NXPE4: variants seen among roughly 807,000 people sequenced by gnomAD.
NXPE4 encodes the protein neurexophilin and PC-esterase domain family member 4.
NXPE4 carries 42 observed loss-of-function variants against 33.3 expected under a neutral mutation model. The observed-to-expected ratio is 1.26, with a 90% CI of 0.98 to 1.63. The LOEUF is 1.63. Among genes scored for constraint, NXPE4 ranks in the 40% most tolerant of loss-of-function variants. The pLI is 0.00. For missense variants in NXPE4, 709 were observed against 647.6 expected (o/e 1.09, Z -1.03); for synonymous variants, 253 against 234.9 (o/e 1.08, Z -0.71).
chr11:114,665,026 A>T, the NXPE4 span, among the ~76,000 whole-genome samples: 1 of 152,188 alleles, frequency 6.6e-6, no homozygotes, highest in Non-Finnish European at 1.5e-5. Context: ...GTTTAATGGA[A>T]CATAACCCCA....
intron 2 of NXPE4, chr11:114,584,105 G>A (rs1440914634): frequency 3.4e-6 from 1 of 292,368 alleles, no homozygotes; most frequent in Non-Finnish European, 6.7e-6. Context: ...TGCCAAGTGT[G>A]TGGAATCTGT....
the NXPE4 span, among the ~76,000 whole-genome samples, chr11:114,620,388 ACC>A: frequency 6.6e-6 from 1 of 152,066 alleles, no homozygotes; most frequent in Non-Finnish European, 1.5e-5. Context: ...CTCGTGGGTA[ACC>A]ACTGTTACCC....
At chr11:114,587,244 GA>G (rs898520261) in intron 2 of NXPE4, among the ~76,000 whole-genome samples, 17 of 152,128 alleles carry the variant, frequency 1.1e-4, no homozygotes, top group Admixed American at 5.2e-4. Flanking sequence ...CCATCAGCAG[GA>G]AAACAACCAT....
chr11:114,669,633 T>C, the NXPE4 span, among the ~76,000 whole-genome samples: 1 of 152,004 alleles, frequency 6.6e-6, no homozygotes, highest in Non-Finnish European at 1.5e-5. Context: ...AGTGTCACCC[T>C]GAGAAATGGG....
At chr11:114,600,856 T>G in the NXPE4 span, among the ~76,000 whole-genome samples, 3 of 152,170 alleles carry the variant, frequency 2.0e-5, no homozygotes, top group South Asian at 4.1e-4. Context: ...ATTTTGAAAC[T>G]TTTCTATAAT....
chr11:114,582,493 C>T lies in NXPE4; in HGVS notation c.625G>A (p.Val209Ile). 1.9e-6 allele frequency: 3 copies of T among 1,614,128 alleles called. No homozygotes were observed. The highest frequency in any genetic ancestry group is 2.5e-6 in the Non-Finnish European group (3 of 1,180,006). ...GAGTGGACTTGGGAAGTGCCATTGA[C>T]AAACTGGCCAGTGAAGATCACCCTG... ...YDRVIFTGQF[V>I]NGTSQVHSEC... is the part of the protein sequence containing the mutation. The change falls in exon 3 of 6, where the codon GTC becomes ATC. Residue 209 changes from valine to isoleucine, a missense_variant. Transcript: ENST00000375478.
chr11:114,615,027 C>T, the NXPE4 span, among the ~76,000 whole-genome samples: 7 of 150,896 alleles, frequency 4.6e-5, no homozygotes, highest in African/African-American at 2.4e-5. Context: ...CGTGGGTAAC[C>T]AGTGTTACCC....
the NXPE4 span, among the ~76,000 whole-genome samples, chr11:114,626,853 C>T: frequency 5.9e-5 from 9 of 151,894 alleles, no homozygotes; most frequent in Non-Finnish European, 1.2e-4. Flanking sequence ...AACCAAGGCT[C>T]GAGAACTACG....
At chr11:114,577,355 C>T (rs375411765) in intron 5 of NXPE4, among the ~76,000 whole-genome samples, 4 of 151,502 alleles carry the variant, frequency 2.6e-5, no homozygotes, top group African/African-American at 4.9e-5. Flanking sequence ...GCTATGAGGA[C>T]GCAAAGGCTT....
chr11:114,671,173 A>C, the NXPE4 span, among the ~76,000 whole-genome samples: 1 of 150,854 alleles, frequency 6.6e-6, no homozygotes, highest in Non-Finnish European at 1.5e-5. Flanking sequence ...GTGATACTTA[A>C]CAGTAGATTT....
intron 2 of NXPE4, among the ~76,000 whole-genome samples, chr11:114,587,607 G>A (rs996423665): frequency 2.6e-5 from 4 of 152,204 alleles, no homozygotes; most frequent in Non-Finnish European, 4.4e-5. Context: ...TATGGGTTAT[G>A]CTTGCATCAA....
intron 5 of NXPE4, among the ~76,000 whole-genome samples, chr11:114,573,696 G>A (rs980833153): frequency 1.3e-5 from 2 of 151,944 alleles, no homozygotes; most frequent in Non-Finnish European, 2.9e-5. Flanking sequence ...ATCTAACACT[G>A]GAGCTCCCAA....
At chr11:114,582,204 C>G (rs1484700966) in intron 3 of NXPE4, 84 bp downstream of exon 3, 1 of 1,419,398 alleles carries the variant, frequency 7.0e-7, no homozygotes, top group Non-Finnish European at 9.4e-7. Context: ...AAAATTAATA[C>G]ACTCACAAGA....
chr11:114,658,965 A>G, the NXPE4 span, among the ~76,000 whole-genome samples: 5 of 152,164 alleles, frequency 3.3e-5, no homozygotes, highest in Non-Finnish European at 7.3e-5. Flanking sequence ...TGGGACATTG[A>G]CACACAAGGA....
chr11:114,602,962 A>G, the NXPE4 span, among the ~76,000 whole-genome samples: 15 of 150,296 alleles, frequency 1.0e-4, no homozygotes, highest in South Asian at 1.3e-3. Context: ...CTCATATACA[A>G]TTACAGAATC....
intron 5 of NXPE4, among the ~76,000 whole-genome samples, chr11:114,572,010 C>G (rs960898334): frequency 2.6e-5 from 4 of 152,210 alleles, no homozygotes; most frequent in African/African-American, 7.2e-5. Flanking sequence ...CACTCCCCTG[C>G]TAACTCCACT....
At chr11:114,628,240 C>T in the NXPE4 span, among the ~76,000 whole-genome samples, 1 of 147,278 alleles carries the variant, frequency 6.8e-6, no homozygotes, top group Non-Finnish European at 1.5e-5. Flanking sequence ...ACATACCACA[C>T]CTATTCCAAA....
At chr11:114,633,211 T>G in the NXPE4 span, among the ~76,000 whole-genome samples, 2 of 132,356 alleles carry the variant, frequency 1.5e-5, no homozygotes, top group Non-Finnish European at 3.1e-5. Context: ...AACATGTATA[T>G]TACATTATAT....
the NXPE4 span, among the ~76,000 whole-genome samples, chr11:114,634,993 C>T: frequency 6.6e-6 from 1 of 151,988 alleles, no homozygotes; most frequent in Non-Finnish European, 1.5e-5. Context: ...TTTTCCAATT[C>T]TGTGAAGAAA....
Sources: allele counts gnomAD v4.1 joint callset (sites outside exome capture counted in the v4.1 genomes callset), GRCh38; gene constraint gnomAD v4.1.1; transcripts MANE v1.5; gene names NCBI Gene and HGNC (gene_info 2026-07-23, HGNC 2026-07-21).